INPP4B: variants seen among roughly 807,000 people sequenced by gnomAD.
INPP4B encodes inositol polyphosphate 4-phosphatase type II.
A neutral mutation model predicts 122.5 loss-of-function variants in INPP4B; 55 were observed. The observed-to-expected ratio is 0.45, with a 90% CI of 0.36 to 0.56. The LOEUF is 0.56. INPP4B is among the 20% of genes least tolerant of loss of function. INPP4B has a pLI of 0.00. For missense variants in INPP4B, 1,000 were observed against 1,097.7 expected (o/e 0.91, Z 1.26); for synonymous variants, 403 against 388.7 (o/e 1.04, Z -0.43).
intron 2 of INPP4B, among the ~76,000 whole-genome samples, chr4:142,544,165 A>T (rs58899027): frequency 0.36 from 34,460 of 95,178 alleles, 5,164 homozygotes; most frequent in East Asian, 0.79. Context: ...GTGTAGGAAC[A>T]TAGTGGACTG....
At chr4:142,701,796 A>G (rs1248838117) in intron 2 of INPP4B, among the ~76,000 whole-genome samples, 2 of 152,164 alleles carry the variant, frequency 1.3e-5, no homozygotes, top group East Asian at 3.9e-4. Flanking sequence ...CTAGACATCT[A>G]TCAAATAGAC....
intron 1 of INPP4B, among the ~76,000 whole-genome samples, chr4:142,828,479 A>G (rs1259984799): frequency 6.6e-6 from 1 of 152,232 alleles, no homozygotes; most frequent in Non-Finnish European, 1.5e-5. Flanking sequence ...TCATTCTTTT[A>G]CATGAGTCCA....
At chr4:142,340,772 T>A (rs1778437026) in intron 7 of INPP4B, among the ~76,000 whole-genome samples, 1 of 152,006 alleles carries the variant, frequency 6.6e-6, no homozygotes. Context: ...TTCCCCTCTA[T>A]GGGTAATCAG....
At chr4:142,104,243 G>A (rs965178835) in intron 23 of INPP4B, among the ~76,000 whole-genome samples, 1 of 152,154 alleles carries the variant, frequency 6.6e-6, no homozygotes, top group East Asian at 1.9e-4. Flanking sequence ...TCCTTCAGAA[G>A]CCCTGAATCA....
chr4:142,538,417 G>GTA (rs566103523), intron 2 of INPP4B, among the ~76,000 whole-genome samples: 158 of 152,098 alleles, frequency 1.0e-3, no homozygotes, highest in African/African-American at 3.6e-3. Flanking sequence ...ATGCATGTGA[G>GTA]TATATATATA....
intron 18 of INPP4B, among the ~76,000 whole-genome samples, chr4:142,136,859 A>T (rs1032869636): frequency 6.6e-6 from 1 of 152,190 alleles, no homozygotes; most frequent in African/African-American, 2.4e-5. Flanking sequence ...ATCTATATAC[A>T]AAACCGCTGT....
At chr4:142,242,416 G>T (rs906911273) in intron 11 of INPP4B, among the ~76,000 whole-genome samples, 1 of 152,164 alleles carries the variant, frequency 6.6e-6, no homozygotes, top group Non-Finnish European at 1.5e-5. Context: ...CGTATTATTT[G>T]TCTGCAGTTG....
At position 142,254,083 on chromosome 4, in the gene INPP4B, C is replaced by T. The variant is rs567809392; in HGVS notation, c.688+6409G>A. Among the ~76,000 whole-genome samples, 10 of 152,264 alleles carry T rather than the reference C, an allele frequency of 6.6e-5. No homozygotes were observed. In the East Asian group the frequency reaches 1.6e-3, roughly 24 times the overall value. On this transcript the variant is annotated intron_variant, in intron 11 of 25. Transcript: ENST00000262992. ...AGCAGCCTAACTGGGAGGCACCCCCCAGCAGGGGCAGACTGACACCTCACA... is the reference window on the plus strand; with the variant it reads ...AGCAGCCTAACTGGGAGGCACCCCCTAGCAGGGGCAGACTGACACCTCACA...
At chr4:142,461,601 T>G (rs1336239048) in intron 3 of INPP4B, among the ~76,000 whole-genome samples, 3 of 152,168 alleles carry the variant, frequency 2.0e-5, no homozygotes, top group Non-Finnish European at 4.4e-5. Flanking sequence ...GCTTGCATTA[T>G]CTAGATTCTA....
chr4:142,264,171 G>A, intron 10 of INPP4B, among the ~76,000 whole-genome samples: 1 of 152,094 alleles, frequency 6.6e-6, no homozygotes, highest in East Asian at 1.9e-4. Context: ...CTGATATAGT[G>A]ACATGTGGTG....
chr4:142,740,888 T>G (rs1767801788), intron 1 of INPP4B, among the ~76,000 whole-genome samples: 1 of 152,010 alleles, frequency 6.6e-6, no homozygotes, highest in Non-Finnish European at 1.5e-5. Flanking sequence ...GCAAATTAAA[T>G]CCTCTTCAAA....
intron 7 of INPP4B, among the ~76,000 whole-genome samples, chr4:142,320,102 G>A (rs1769425048): frequency 6.6e-6 from 1 of 152,116 alleles, no homozygotes; most frequent in Non-Finnish European, 1.5e-5. Flanking sequence ...GTTCACAGGA[G>A]GATGCTCTAA....
intron 9 of INPP4B, among the ~76,000 whole-genome samples, chr4:142,280,713 G>A (rs372884286): frequency 3.3e-5 from 5 of 151,870 alleles, no homozygotes; most frequent in Middle Eastern, 3.4e-3. Context: ...CATTTTCTCC[G>A]ATAATAAATC....
intron 2 of INPP4B, among the ~76,000 whole-genome samples, chr4:142,693,306 T>G (rs892890962): frequency 6.6e-6 from 1 of 151,874 alleles, no homozygotes; most frequent in Non-Finnish European, 1.5e-5. Flanking sequence ...GTGCTCCTCT[T>G]TGAGTGTTTG....
chr4:142,676,572 A>G (rs12582552), intron 2 of INPP4B, among the ~76,000 whole-genome samples: 1 of 152,064 alleles, frequency 6.6e-6, no homozygotes, highest in African/African-American at 2.4e-5. Context: ...GAGGCATCAC[A>G]CTACCTGACT....
intron 2 of INPP4B, among the ~76,000 whole-genome samples, chr4:142,480,910 T>G (rs1820429781): frequency 6.6e-6 from 1 of 151,980 alleles, no homozygotes; most frequent in African/African-American, 2.4e-5. Flanking sequence ...GTGTTATTTT[T>G]ATAGTCACAT....
At chr4:142,049,257 G>A (rs952495095) in intron 25 of INPP4B, among the ~76,000 whole-genome samples, 2 of 152,088 alleles carry the variant, frequency 1.3e-5, no homozygotes, top group Non-Finnish European at 2.9e-5. Flanking sequence ...CAGCAAAAGA[G>A]TATCATGTCA....
At chr4:142,059,709 C>T (rs550596053) in intron 25 of INPP4B, among the ~76,000 whole-genome samples, 61 of 152,164 alleles carry the variant, frequency 4.0e-4, no homozygotes, top group African/African-American at 1.4e-3. Context: ...CTAAATCAAC[C>T]AAGGTCAGCC....
intron 2 of INPP4B, among the ~76,000 whole-genome samples, chr4:142,531,075 T>C (rs1827550208): frequency 6.6e-6 from 1 of 152,042 alleles, no homozygotes; most frequent in Non-Finnish European, 1.5e-5. Flanking sequence ...AAGGTAACTA[T>C]AATAACAAAG....
Sources: gnomAD v4.1 joint callset for allele counts (sites outside exome capture counted in the v4.1 genomes callset) on GRCh38, gnomAD v4.1.1 for gene constraint, MANE v1.5 for transcripts, NCBI Gene and HGNC (gene_info 2026-07-23, HGNC 2026-07-21) for gene names.